FAM204A: variants seen among roughly 807,000 people sequenced by gnomAD.
FAM204A encodes the protein protein FAM204A.
In FAM204A, 16 loss-of-function variants were observed where a neutral mutation model predicts 35.4. The observed-to-expected ratio is 0.45, with a 90% CI of 0.31 to 0.69. The LOEUF (loss-of-function observed/expected upper bound fraction) is 0.69. Ranked by LOEUF, FAM204A falls within the 30% of genes least tolerant of loss-of-function variation. The pLI, the probability that FAM204A is intolerant of heterozygous loss-of-function variation, is 0.07. For missense variants in FAM204A, 240 were observed against 265.7 expected (o/e 0.90, Z 0.67); for synonymous variants, 76 against 86.9 (o/e 0.88, Z 0.70).
intron 3 of FAM204A, 149 bp downstream of exon 3, chr10:118,336,033 G>A (rs912679749): frequency 4.0e-5 from 33 of 827,618 alleles, no homozygotes; most frequent in Non-Finnish European, 5.2e-5. Context: ...CTAAGTGGCC[G>A]ATGCCTCAGA....
At chr10:118,314,895 G>C (rs1416887565) in intron 7 of FAM204A, among the ~76,000 whole-genome samples, 1 of 152,056 alleles carries the variant, frequency 6.6e-6, no homozygotes, top group East Asian at 1.9e-4. Context: ...ATGCAGTAAG[G>C]AAAATTAAGC....
At chr10:118,322,346 A>T in intron 7 of FAM204A, 1 of 456,436 alleles carries the variant, frequency 2.2e-6, no homozygotes, top group Non-Finnish European at 4.4e-6. Context: ...GAAAGGGACA[A>T]AGAGACAGCA....
chr10:118,305,680 T>TG lies in FAM204A; in HGVS notation c.*5176dup, dbSNP rs958395299. 6.6e-6 allele frequency: 1 copy of TG among 152,198 alleles called. No individual in the cohort carries two copies. Among genetic ancestry groups the TG allele is most frequent in the African/African-American group, 2.4e-5 (1 of 41,456 alleles). The allele number at this position is 152,198 out of a possible 1,614,324, so 9.4% of individuals were successfully genotyped here. On this transcript the variant is annotated 3_prime_UTR_variant, in exon 9 of 9. Transcript: ENST00000369183. ...GATTTTCTAATAGCCCGCCTGAAAATGGAGTTGTTCAAAACATGGTTTACA... is the reference window on the plus strand; with the variant it reads ...GATTTTCTAATAGCCCGCCTGAAAATGGGAGTTGTTCAAAACATGGTTTACA...
At chr10:118,332,834 T>C (rs527308540) in intron 6 of FAM204A, among the ~76,000 whole-genome samples, 1 of 152,330 alleles carries the variant, frequency 6.6e-6, no homozygotes, top group East Asian at 1.9e-4. Flanking sequence ...ATAAAACTAC[T>C]TCAATAATGA....
intron 6 of FAM204A, among the ~76,000 whole-genome samples, chr10:118,332,370 C>A (rs1251770820): frequency 1.3e-5 from 2 of 151,776 alleles, no homozygotes; most frequent in South Asian, 2.1e-4. Context: ...ACCTACCCCA[C>A]GGAAATCACA....
At chr10:118,316,948 A>AG (rs913586247) in intron 7 of FAM204A, among the ~76,000 whole-genome samples, 1 of 152,102 alleles carries the variant, frequency 6.6e-6, no homozygotes, top group African/African-American at 2.4e-5. Context: ...GCCATTCATA[A>AG]GGGGAAAAAA....
At chr10:118,328,818 A>G (rs1203458283) in intron 6 of FAM204A, among the ~76,000 whole-genome samples, 5 of 151,870 alleles carry the variant, frequency 3.3e-5, no homozygotes, top group South Asian at 2.1e-4. Context: ...ACTACCCACT[A>G]TCTCCTCTGG....
chr10:118,325,682 A>G (rs1417045669), intron 7 of FAM204A, among the ~76,000 whole-genome samples: 1 of 152,146 alleles, frequency 6.6e-6, no homozygotes, highest in East Asian at 1.9e-4. Flanking sequence ...TATTAGTTTT[A>G]TACTATAGAA....
In FAM204A at chr10:118,298,054, T is replaced by G. The variant is rs1288465964; in HGVS notation, c.*12803A>C. The G allele has an allele frequency of 6.6e-6, 1 of 152,206 alleles. No individual in the cohort carries two copies. Among genetic ancestry groups the G allele is most frequent in the East Asian group, 1.9e-4 (1 of 5,186 alleles). The allele number at this position is 152,206 out of a possible 1,614,324, so 9.4% of individuals were successfully genotyped here. ...AGATCAGACTAGTGAGTAGAACCAG[T>G]ATAGAAACCTAGTTATCTGCGTATT... On this transcript the variant is annotated 3_prime_UTR_variant, in exon 9 of 9. Transcript: ENST00000369183.
At chr10:118,324,229 A>G (rs747084137) in intron 7 of FAM204A, among the ~76,000 whole-genome samples, 1 of 152,192 alleles carries the variant, frequency 6.6e-6, no homozygotes, top group African/African-American at 2.4e-5. Flanking sequence ...ACAAGAACTT[A>G]TAAGATGGGA....
rs1435529252 is a variant in FAM204A at position 118,308,113 on chromosome 10, C to T, written c.*2744G>A. Reference sequence around the variant, plus strand: ...GAATGCACTGCCAACTTCCCTTTCTCAGAACCAGTGCTGTAAAGCTCAAAA... The same window carrying T: ...GAATGCACTGCCAACTTCCCTTTCTTAGAACCAGTGCTGTAAAGCTCAAAA... On this transcript the variant is annotated 3_prime_UTR_variant, in exon 9 of 9. Transcript: ENST00000369183. The T allele has an allele frequency of 2.6e-5, 4 of 152,228 alleles. No homozygotes were observed. In the South Asian group the frequency reaches 8.3e-4, roughly 32 times the overall value. The allele number at this position is 152,228 out of a possible 1,614,324, so 9.4% of individuals were successfully genotyped here. A position where few individuals can be genotyped will look rare whatever the true frequency, so the allele number is the denominator to read the frequency against.
At chr10:118,341,396 A>T (rs532808763) in intron 2 of FAM204A, among the ~76,000 whole-genome samples, 17 of 152,322 alleles carry the variant, frequency 1.1e-4, no homozygotes, top group African/African-American at 3.8e-4. Context: ...TCATAATCAG[A>T]GTCTGTGACT....
In FAM204A at chr10:118,304,896, G is replaced by A. The variant is rs1454030834; in HGVS notation, c.*5961C>T. 6.6e-6 allele frequency: 1 copy of A among 152,212 alleles called. No homozygotes were observed. The highest frequency in any genetic ancestry group is 1.5e-5 in the Non-Finnish European group (1 of 68,054). 9.4% of individuals were successfully genotyped at this position (152,212 alleles called of 1,614,324 possible). A position where few individuals can be genotyped will look rare whatever the true frequency, so the allele number is the denominator to read the frequency against. On this transcript the variant is annotated 3_prime_UTR_variant, in exon 9 of 9. Transcript: ENST00000369183. ...CATCGTATGTGATTGAGGCAATGTG[G>A]CAGATACTGCAAGCTATTTACTAAA...
In FAM204A at chr10:118,307,253, C is replaced by T. The variant is rs1845877574; in HGVS notation, c.*3604G>A. On this transcript the variant is annotated 3_prime_UTR_variant, in exon 9 of 9. Transcript: ENST00000369183. ...CACTGATGTCACAAATACCAGTCTACATTTGGTTCTGGAAAAAGATTTTCA... is the reference window on the plus strand; with the variant it reads ...CACTGATGTCACAAATACCAGTCTATATTTGGTTCTGGAAAAAGATTTTCA... The T allele has an allele frequency of 1.3e-5, 2 of 152,186 alleles. No homozygotes were observed. Among genetic ancestry groups the T allele is most frequent in the African/African-American group, 4.8e-5 (2 of 41,428 alleles). The allele number at this position is 152,186 out of a possible 1,614,324, so 9.4% of individuals were successfully genotyped here.
Position 118,310,853 on chromosome 10 carries a change from C to T in FAM204A, c.*4G>A. The T allele has an allele frequency of 6.3e-7, 1 of 1,599,448 alleles. No homozygotes were observed. The highest frequency in any genetic ancestry group is 2.2e-5 in the East Asian group (1 of 44,494). The stretch of plus-strand genomic sequence containing the variant: ...CTACAAATGTCTTGAAGCACTCTGG[C>T]AAGTTACATGTATCCCATGTTGCTT... On this transcript the variant is annotated 3_prime_UTR_variant, in exon 9 of 9. Transcript: ENST00000369183.
At chr10:118,312,250 G>A (rs537987000) in intron 7 of FAM204A, among the ~76,000 whole-genome samples, 2 of 152,154 alleles carry the variant, frequency 1.3e-5, no homozygotes, top group East Asian at 1.9e-4. Context: ...TACCTCTTTG[G>A]TGTTTCTTGC....
rs78082135 is a variant in FAM204A at position 118,300,330 on chromosome 10, T to C, written c.*10527A>G. 6 of 152,184 alleles carry C rather than the reference T, an allele frequency of 3.9e-5. No individual in the cohort carries two copies. The highest frequency in any genetic ancestry group is 1.4e-4 in the African/African-American group (6 of 41,438). 9.4% of individuals were successfully genotyped at this position (152,184 alleles called of 1,614,324 possible). ...AAAAAATATACTGAGGATGATTTAA[T>C]GCAGAAATATCTTGAAAGAAAAGAT... On this transcript the variant is annotated 3_prime_UTR_variant, in exon 9 of 9. Coordinates refer to ENST00000369183, the MANE Select transcript of FAM204A (RefSeq NM_022063.3).
At chr10:118,332,650 A>T (rs1389402962) in intron 6 of FAM204A, among the ~76,000 whole-genome samples, 1 of 152,146 alleles carries the variant, frequency 6.6e-6, no homozygotes, top group African/African-American at 2.4e-5. Flanking sequence ...GCACTCTGCT[A>T]AAAACAAACA....
intron 7 of FAM204A, among the ~76,000 whole-genome samples, chr10:118,324,677 TG>T (rs1172718473): frequency 6.6e-6 from 1 of 152,072 alleles, no homozygotes; most frequent in Non-Finnish European, 1.5e-5. Flanking sequence ...TGTCCAAGGC[TG>T]GGTGGAGGGG....
Sources: gnomAD v4.1 joint callset for allele counts (sites outside exome capture counted in the v4.1 genomes callset) on GRCh38, gnomAD v4.1.1 for gene constraint, MANE v1.5 for transcripts, NCBI Gene and HGNC (gene_info 2026-07-23, HGNC 2026-07-21) for gene names.